The following CDK13 variants were observed in gnomAD, a reference collection of about 807,000 sequenced individuals.
CDK13 encodes cyclin-dependent kinase 13.
A neutral mutation model predicts 137.6 loss-of-function variants in CDK13; 40 were observed. The observed-to-expected ratio is 0.29, with a 90% CI of 0.23 to 0.38. The LOEUF (loss-of-function observed/expected upper bound fraction) is 0.38, where lower values mean the gene tolerates loss of function less well. CDK13 is among the 10% of genes least tolerant of loss of function. The pLI, the probability that CDK13 is intolerant of heterozygous loss-of-function variation, is 1.00. For synonymous variants in CDK13, 869 were observed against 760.1 expected (o/e 1.14, Z -2.36); for missense variants, 1,704 against 1,951.8 (o/e 0.87, Z 2.39).
At chr7:40,014,235 A>G (rs900719099) in intron 5 of CDK13, among the ~76,000 whole-genome samples, 1 of 151,134 alleles carries the variant, frequency 6.6e-6, no homozygotes, top group African/African-American at 2.4e-5. Flanking sequence ...CGCCCAGCTA[A>G]TTTTTGTATT....
chr7:40,024,645 G>GTTT lies in CDK13; in HGVS notation c.2354-21160_2354-21158dup, dbSNP rs58010602. On this transcript the variant is annotated intron_variant, in intron 5 of 13. Coordinates refer to ENST00000181839, the MANE Select transcript of CDK13 (RefSeq NM_003718.5). ...TCTTCCAAGATATCTGTAGCTCTGT[G>GTTT]TTTTTTTTTTTTTTTTTTTTTTTTT... Among the ~76,000 whole-genome samples, 40 of 50,274 alleles carry GTTT rather than the reference G, an allele frequency of 8.0e-4. 2 individuals carry two copies. Among genetic ancestry groups the GTTT allele is most frequent in the Admixed American group, 1.2e-3 (4 of 3,350 alleles). The allele number at this position is 50,274 out of a possible 152,430, so 33.0% of individuals were successfully genotyped here.
At chr7:40,017,925 C>CT (rs879404001) in intron 5 of CDK13, among the ~76,000 whole-genome samples, 19 of 144,342 alleles carry the variant, frequency 1.3e-4, no homozygotes, top group South Asian at 2.2e-4. Context: ...TTCCCACGTT[C>CT]TTTTTTTTTT....
At chr7:39,979,390 A>G (rs997725766) in intron 1 of CDK13, among the ~76,000 whole-genome samples, 1 of 151,774 alleles carries the variant, frequency 6.6e-6, no homozygotes. Flanking sequence ...CTGATTTTGT[A>G]TTTTTAGTAG....
At chr7:40,035,448 C>T (rs985101336) in intron 5 of CDK13, among the ~76,000 whole-genome samples, 5 of 152,070 alleles carry the variant, frequency 3.3e-5, no homozygotes, top group African/African-American at 1.2e-4. Flanking sequence ...CCCATAGCTC[C>T]CATAACTGCC....
rs976319927 is a variant in CDK13, at chr7:40,039,434, A to ATTTTTTTTTTTTTTTTTTTTTT, written c.2354-6400_2354-6379dup. Among the ~76,000 whole-genome samples the ATTTTTTTTTTTTTTTTTTTTTT allele has an allele frequency of 5.9e-5, 5 of 85,000 alleles. 1 individual carries two copies. Among genetic ancestry groups the ATTTTTTTTTTTTTTTTTTTTTT allele is most frequent in the Admixed American group, 2.9e-4 (2 of 6,874 alleles). The allele number at this position is 85,000 out of a possible 152,430, so 55.8% of individuals were successfully genotyped here. ...AGGTGCCCACGACCATGCCCGGCTAATTTTTTTTTTTTTTTTTTTTTTTGC... is the reference window on the plus strand; with the variant it reads ...AGGTGCCCACGACCATGCCCGGCTAATTTTTTTTTTTTTTTTTTTTTTTTTTTTTTTTTTTTTTTTTTTTTGC... On this transcript the variant is annotated intron_variant, in intron 5 of 13. Transcript: ENST00000181839.
intron 5 of CDK13, among the ~76,000 whole-genome samples, chr7:40,003,153 TACAC>T (rs71560157): frequency 0.038 from 4,498 of 119,558 alleles, 107 homozygotes; most frequent in South Asian, 0.12. Context: ...CTTCCCCAGC[TACAC>T]ACACACACAC....
intron 12 of CDK13, among the ~76,000 whole-genome samples, chr7:40,091,484 G>A (rs1009152461): frequency 6.6e-6 from 1 of 152,008 alleles, no homozygotes; most frequent in East Asian, 1.9e-4. Context: ...CTGCACTCCA[G>A]CCTGGGGAAC....
intron 12 of CDK13, among the ~76,000 whole-genome samples, chr7:40,089,525 G>A: frequency 6.6e-6 from 1 of 151,854 alleles, no homozygotes; most frequent in African/African-American, 2.4e-5. Context: ...CATAGAGTAA[G>A]CTTTTTGATG....
chr7:39,974,809 C>A (rs1389661803), intron 1 of CDK13, among the ~76,000 whole-genome samples: 2 of 152,132 alleles, frequency 1.3e-5, no homozygotes, highest in Non-Finnish European at 2.9e-5. Context: ...GGTGATCCAC[C>A]CACCTTGACC....
intron 9 of CDK13, among the ~76,000 whole-genome samples, chr7:40,076,676 G>T (rs1310492395): frequency 6.6e-6 from 1 of 151,666 alleles, no homozygotes; most frequent in Non-Finnish European, 1.5e-5. Flanking sequence ...AGACAAAAAA[G>T]TACATTTCAG....
At chr7:39,974,185 C>T (rs1784057447) in intron 1 of CDK13, among the ~76,000 whole-genome samples, 1 of 151,886 alleles carries the variant, frequency 6.6e-6, no homozygotes, top group Non-Finnish European at 1.5e-5. Flanking sequence ...TACAGAACTG[C>T]AATACATTGA....
intron 5 of CDK13, among the ~76,000 whole-genome samples, chr7:40,019,125 C>T (rs1785062389): frequency 6.6e-6 from 1 of 152,194 alleles, no homozygotes; most frequent in African/African-American, 2.4e-5. Flanking sequence ...AAGTTTCATC[C>T]AAAGTTTTGT....
Position 39,977,779 on chromosome 7 carries a change from A to G in CDK13, c.1212-9820A>G, listed in dbSNP as rs550918239. Among the ~76,000 whole-genome samples the G allele has an allele frequency of 5.3e-5, 8 of 152,152 alleles. No individual in the cohort carries two copies. In the South Asian group the frequency reaches 1.5e-3, roughly 28 times the overall value. On this transcript the variant is annotated intron_variant, in intron 1 of 13. Coordinates refer to ENST00000181839, the MANE Select transcript of CDK13 (RefSeq NM_003718.5). The stretch of plus-strand genomic sequence containing the variant: ...CTCGAGGTGGGAACCTGGTAGGGAG[A>G]CTTGCACTGGGCCCAGTGTGTGATG...
Position 40,079,419 on chromosome 7 carries a change from C to CAAA in CDK13, c.3029+579_3029+581dup, listed in dbSNP as rs202161573. Among the ~76,000 whole-genome samples, 26 of 142,134 alleles carry CAAA rather than the reference C, an allele frequency of 1.8e-4. 2 individuals are homozygous for CAAA. In the South Asian group the frequency reaches 2.4e-3, roughly 13 times the overall value. 93.2% of individuals were successfully genotyped at this position (142,134 alleles called of 152,430 possible). On this transcript the variant is annotated intron_variant, in intron 11 of 13. Coordinates refer to ENST00000181839, the MANE Select transcript of CDK13 (RefSeq NM_003718.5). The stretch of plus-strand genomic sequence containing the variant: ...GGGTGACAAGAGCAAGACTCCGTCT[C>CAAA]AAAAAAAAAAAAATATTACTGCTGT...
chr7:40,011,900 A>G (rs1784902475), intron 5 of CDK13, among the ~76,000 whole-genome samples: 1 of 152,244 alleles, frequency 6.6e-6, no homozygotes, highest in Non-Finnish European at 1.5e-5. Flanking sequence ...AGGAACTTGT[A>G]TCTTAAATGT....
Position 39,966,145 on chromosome 7 carries a change from C to G in CDK13, c.1211+14293C>G, listed in dbSNP as rs1031017644. Among the ~76,000 whole-genome samples, 14 of 152,142 alleles carry G rather than the reference C, an allele frequency of 9.2e-5. 1 individual carries two copies. The highest frequency in any genetic ancestry group is 2.1e-4 in the Non-Finnish European group (14 of 68,040). On this transcript the variant is annotated intron_variant, in intron 1 of 13. Transcript: ENST00000181839. ...ATCTTTGTGGCGTTCTCTGCATTTC[C>G]TGAATCTGAATGTTGGCCTACCTTG...
chr7:39,960,982 A>G (rs1006450251), intron 1 of CDK13, among the ~76,000 whole-genome samples: 1 of 152,224 alleles, frequency 6.6e-6, no homozygotes. Flanking sequence ...GTCACATCAC[A>G]TACCTATTTT....
At chr7:39,997,843 A>G (rs1216966102) in intron 3 of CDK13, 179 bp downstream of exon 3, 3 of 531,460 alleles carry the variant, frequency 5.6e-6, no homozygotes, top group East Asian at 6.9e-5. Flanking sequence ...CCTATTCACA[A>G]TGACTAATAA....
chr7:40,014,450 CTCTTT>C (rs1784962030), intron 5 of CDK13, among the ~76,000 whole-genome samples: 1 of 136,398 alleles, frequency 7.3e-6, no homozygotes, highest in Non-Finnish European at 1.5e-5. Flanking sequence ...GTATTTCTCT[CTCTTT>C]TTTTTTTTTT....
Sources: allele counts gnomAD v4.1 joint callset (sites outside exome capture counted in the v4.1 genomes callset), GRCh38; gene constraint gnomAD v4.1.1; transcripts MANE v1.5; gene names NCBI Gene and HGNC (gene_info 2026-07-23, HGNC 2026-07-21).